Variants in TMEM181 observed in about 807,000 individuals in gnomAD.
The protein encoded by TMEM181 is G protein-coupled receptor 178.
Under a neutral mutation model 71.9 loss-of-function variants are expected in TMEM181, and 39 were observed. The ratio of observed to expected loss-of-function variants is 0.54; its 90% CI spans 0.42 to 0.71. The LOEUF is 0.71. TMEM181 is among the 30% of genes least tolerant of loss of function. The probability of loss-of-function intolerance (pLI) is 0.00; values close to 1 mark genes in which losing one functional copy is unlikely to be tolerated. For missense variants in TMEM181, 595 were observed against 583.0 expected, an observed-to-expected ratio of 1.02 and a Z score of -0.21; for synonymous variants, 245 against 228.8, an observed-to-expected ratio of 1.07 and a Z score of -0.64.
chr6:158,586,419 C>G (rs1447572609), intron 5 of TMEM181, among the ~76,000 whole-genome samples: 1 of 152,200 alleles, frequency 6.6e-6, no homozygotes, highest in Non-Finnish European at 1.5e-5. Flanking sequence ...CTCATTGTCT[C>G]ATTCAGTCCT....
At chr6:158,602,498 G>A (rs1784722785) in intron 6 of TMEM181, among the ~76,000 whole-genome samples, 1 of 152,152 alleles carries the variant, frequency 6.6e-6, no homozygotes, top group African/African-American at 2.4e-5. Context: ...AGCGTGTGAG[G>A]GTTTCAGTTA....
At chr6:158,625,781 A>G in intron 13 of TMEM181, 27 bp downstream of exon 13, 2 of 1,593,448 alleles carry the variant, frequency 1.3e-6, no homozygotes, top group Non-Finnish European at 1.7e-6. Context: ...TCTTGAAAAC[A>G]GCAAAACGGA....
intron 15 of TMEM181, 21 bp from the exon 16 acceptor site, chr6:158,631,302 A>G (rs755430569): frequency 1.1e-5 from 17 of 1,613,828 alleles, no homozygotes; most frequent in Non-Finnish European, 1.4e-5. Context: ...TTGAGATGCA[A>G]ATGCTCTTGT....
chr6:158,576,665 A>G (rs1783175251), intron 2 of TMEM181, among the ~76,000 whole-genome samples: 1 of 152,156 alleles, frequency 6.6e-6, no homozygotes, highest in African/African-American at 2.4e-5. Context: ...TATAACAACA[A>G]CAAAAACAAA....
At chr6:158,607,086 CAGT>C (rs1298862110) in intron 7 of TMEM181, among the ~76,000 whole-genome samples, 155 bp from the exon 8 acceptor site, 1 of 152,204 alleles carries the variant, frequency 6.6e-6, no homozygotes, top group Non-Finnish European at 1.5e-5. Context: ...CTCCAGGACA[CAGT>C]AGGCAATTCA....
At chr6:158,537,662 C>A (rs1372450967) in intron 1 of TMEM181, among the ~76,000 whole-genome samples, 3 of 152,122 alleles carry the variant, frequency 2.0e-5, no homozygotes, top group African/African-American at 7.2e-5. Flanking sequence ...AGCTCCCTCA[C>A]CCCCCCACCT....
At position 158,589,760 on chromosome 6, in the gene TMEM181, C is replaced by T; in HGVS notation, c.470C>T (p.Pro157Leu). 2 of 1,613,810 alleles carry T rather than the reference C, an allele frequency of 1.2e-6. No homozygotes were observed. The highest frequency in any genetic ancestry group is 1.7e-6 in the Non-Finnish European group (2 of 1,179,716). Residue 157 changes from proline (P) to leucine (L), a missense_variant, in exon 6 of 17, where the codon CCC (proline) becomes CTC (leucine). Physicochemically the swap from Pro to Leu is moderately conservative, Grantham distance 98. Transcript: ENST00000684151. ...VIVGFEHLKL[P>L]IKGMNFTWKT... ...GTGGGATTTGAACACCTGAAGCTCC[C>T]CATCAAGGGAATGAACTTCACAGTA...
chr6:158,603,561 C>G (rs966230139), intron 6 of TMEM181, among the ~76,000 whole-genome samples: 13 of 150,288 alleles, frequency 8.7e-5, no homozygotes, highest in African/African-American at 3.2e-4. Context: ...TCCAAAGCTT[C>G]CCGATGCTAT....
At chr6:158,582,905 G>A (rs769716550) in intron 3 of TMEM181, among the ~76,000 whole-genome samples, 33 of 152,104 alleles carry the variant, frequency 2.2e-4, no homozygotes, top group Non-Finnish European at 4.3e-4. Flanking sequence ...AATAGCAGAC[G>A]TCAAAGAGCA....
At chr6:158,544,182 A>AGAGTGTGTGTGT (rs149735409) in intron 1 of TMEM181, among the ~76,000 whole-genome samples, 18 of 127,648 alleles carry the variant, frequency 1.4e-4, no homozygotes, top group African/African-American at 5.2e-4. Flanking sequence ...AATTGGAGAG[A>AGAGTGTGTGTGT]GTGTGTGTGT....
chr6:158,565,085 A>G (rs1215420802), intron 1 of TMEM181, among the ~76,000 whole-genome samples: 3 of 152,182 alleles, frequency 2.0e-5, no homozygotes, highest in Admixed American at 1.3e-4. Flanking sequence ...TGGGTTCTGT[A>G]GAAGTGGGAA....
chr6:158,537,202 C>T (rs994630542), intron 1 of TMEM181, among the ~76,000 whole-genome samples: 1 of 152,026 alleles, frequency 6.6e-6, no homozygotes, highest in Non-Finnish European at 1.5e-5. Flanking sequence ...TCCCTGCGCC[C>T]CGCGTCGTTC....
intron 3 of TMEM181, 99 bp from the exon 4 acceptor site, chr6:158,583,855 C>G (rs897998584): frequency 5.2e-6 from 4 of 776,460 alleles, no homozygotes; most frequent in Non-Finnish European, 8.1e-6. Flanking sequence ...AACACTGAAG[C>G]CTTTATTGCT....
intron 6 of TMEM181, among the ~76,000 whole-genome samples, chr6:158,593,626 A>T (rs1170660844): frequency 6.6e-6 from 1 of 152,206 alleles, no homozygotes; most frequent in Non-Finnish European, 1.5e-5. Flanking sequence ...TTGTAGAGAG[A>T]TGCACTAAGA....
At chr6:158,612,361 G>A (rs1400555683) in intron 10 of TMEM181, among the ~76,000 whole-genome samples, 1 of 152,206 alleles carries the variant, frequency 6.6e-6, no homozygotes, top group Non-Finnish European at 1.5e-5. Flanking sequence ...GTTACTTCCT[G>A]CTGGGTGGGA....
At chr6:158,536,878 C>CG (rs1781128948) in intron 1 of TMEM181, 1 of 1,335,836 alleles carries the variant, frequency 7.5e-7, no homozygotes, top group Non-Finnish European at 9.6e-7. Context: ...GGGCGCGGCG[C>CG]GGGCAGCGGC....
intron 10 of TMEM181, chr6:158,611,766 AGACAGG>A: frequency 1.3e-5 from 3 of 227,166 alleles, no homozygotes; most frequent in South Asian, 6.2e-5. Flanking sequence ...CAACAGTCAA[AGACAGG>A]TTTGTTTTGG....
rs535813783 is a variant in TMEM181, at chr6:158,553,784, GTTAA to G, written c.131+16925_131+16928del. 7.9e-5 allele frequency among the ~76,000 whole-genome samples: 12 copies of G among 152,278 alleles called. No individual in the cohort carries two copies. The South Asian group carries it at 1.0e-3, about 13-fold the overall frequency. On this transcript the variant is annotated intron_variant, in intron 1 of 16. Transcript: ENST00000367090. The stretch of plus-strand genomic sequence containing the variant: ...GTCACATGAACTAAAACGCATTCGG[GTTAA>G]TTAATATAGAGAGCAAGTTGGCACT...
At chr6:158,608,517 C>T in intron 9 of TMEM181, 54 bp downstream of exon 9, 1 of 1,613,140 alleles carries the variant, frequency 6.2e-7, no homozygotes, top group Non-Finnish European at 8.5e-7. Context: ...TGTCCTCCCT[C>T]CCGAACTCTG....
Sources: gnomAD v4.1 joint callset for allele counts (sites outside exome capture counted in the v4.1 genomes callset) on GRCh38, gnomAD v4.1.1 for gene constraint, MANE v1.5 for transcripts, NCBI Gene and HGNC (gene_info 2026-07-23, HGNC 2026-07-21) for gene names.